Variants in SLCO6A1 observed in about 807,000 individuals in gnomAD.
The protein encoded by SLCO6A1 is cancer/testis antigen 48.
A neutral mutation model predicts 72.7 loss-of-function variants in SLCO6A1; 65 were observed. That is an observed-to-expected ratio of 0.89 (90% CI 0.73 to 1.10). The LOEUF is 1.10. Ranked by LOEUF, SLCO6A1 falls within the 50% of genes least tolerant of loss-of-function variation. The probability of loss-of-function intolerance (pLI) is 0.00; values close to 1 mark genes in which losing one functional copy is unlikely to be tolerated. For synonymous variants in SLCO6A1, 314 were observed against 298.2 expected (o/e 1.05, Z -0.55); for missense variants, 874 against 872.6 (o/e 1.00, Z -0.02).
intron 4 of SLCO6A1, among the ~76,000 whole-genome samples, chr5:102,463,423 T>C (rs1037169105): frequency 1.3e-5 from 2 of 152,186 alleles, no homozygotes; most frequent in African/African-American, 4.8e-5. Flanking sequence ...CTACTGGGTA[T>C]CTACCCAGAA....
In SLCO6A1 at chr5:102,473,097, GAA is replaced by G. The variant is rs1218713317; in HGVS notation, c.899+2598_899+2599del. On this transcript the variant is annotated intron_variant, in intron 4 of 13. Transcript: ENST00000506729. ...CCTTCTCAAAATCCTCCAAGTAACT[GAA>G]GAGGAGGGAATACTTCAAATTCTTT... 3.3e-5 allele frequency among the ~76,000 whole-genome samples: 5 copies of G among 152,034 alleles called. No homozygotes were observed. In the East Asian group the frequency reaches 9.7e-4, roughly 29 times the overall value.
chr5:102,386,828 T>C (rs1056633989), intron 12 of SLCO6A1, among the ~76,000 whole-genome samples: 3 of 152,182 alleles, frequency 2.0e-5, no homozygotes, highest in Non-Finnish European at 4.4e-5. Context: ...GAGCTGTATT[T>C]TACTGAGACA....
chr5:102,464,984 A>G (rs530693862), intron 4 of SLCO6A1, among the ~76,000 whole-genome samples: 1 of 152,274 alleles, frequency 6.6e-6, no homozygotes, highest in South Asian at 2.1e-4. Flanking sequence ...AGAATCTGCT[A>G]GTGCCCTTTG....
chr5:102,423,484 T>C (rs1748720194), intron 7 of SLCO6A1, among the ~76,000 whole-genome samples: 1 of 152,096 alleles, frequency 6.6e-6, no homozygotes, highest in Non-Finnish European at 1.5e-5. Flanking sequence ...TCCTAGTCTC[T>C]GATAAAACAG....
chr5:102,498,546 T>C lies in SLCO6A1; in HGVS notation c.299A>G (p.Glu100Gly). Residue 100 changes from glutamate (E) to glycine (G), a missense_variant, in exon 1 of 14, where the codon GAG (glutamate) becomes GGG (glycine). Transcript: ENST00000506729. ...GLGCLVSTCC[E>G]CCNNIRCFMI... ...GAAGCAGCGAATGTTATTGCAACAC[T>C]CACAGCAGGTGCTGACTAAGCAGCC... The C allele has an allele frequency of 6.2e-7, 1 of 1,614,196 alleles. No homozygotes were observed. Among genetic ancestry groups the C allele is most frequent in the Non-Finnish European group, 8.5e-7 (1 of 1,180,032 alleles).
intron 4 of SLCO6A1, among the ~76,000 whole-genome samples, chr5:102,464,368 T>C (rs1027625031): frequency 5.9e-5 from 9 of 152,144 alleles, no homozygotes; most frequent in African/African-American, 1.9e-4. Flanking sequence ...TTAATATCCA[T>C]AATAAGTGAA....
chr5:102,416,801 A>C (rs1444234534), intron 8 of SLCO6A1, among the ~76,000 whole-genome samples: 2 of 152,188 alleles, frequency 1.3e-5, no homozygotes, highest in African/African-American at 4.8e-5. Flanking sequence ...CTTGGTAACC[A>C]TTACATGCGT....
intron 7 of SLCO6A1, among the ~76,000 whole-genome samples, chr5:102,435,117 T>C (rs535515301): frequency 4.6e-5 from 7 of 152,338 alleles, no homozygotes; most frequent in African/African-American, 1.4e-4. Flanking sequence ...TTTTTTGTAG[T>C]GTGTCCTGAC....
chr5:102,493,678 C>T (rs1265524621), intron 1 of SLCO6A1, among the ~76,000 whole-genome samples: 1 of 152,052 alleles, frequency 6.6e-6, no homozygotes, highest in Non-Finnish European at 1.5e-5. Flanking sequence ...CAAAAAGCAT[C>T]CAGATTGGGA....
At chr5:102,482,509 GAC>G in intron 1 of SLCO6A1, among the ~76,000 whole-genome samples, 1 of 152,192 alleles carries the variant, frequency 6.6e-6, no homozygotes, top group Middle Eastern at 3.4e-3. Context: ...CATCCTATAG[GAC>G]AGCACTACAA....
At chr5:102,435,019 A>G (rs1042100057) in intron 7 of SLCO6A1, among the ~76,000 whole-genome samples, 9 of 152,192 alleles carry the variant, frequency 5.9e-5, no homozygotes, top group African/African-American at 2.4e-5. Flanking sequence ...CAAAATAGCC[A>G]ATAGCTGGGT....
At chr5:102,489,437 A>G (rs1434277159) in intron 1 of SLCO6A1, among the ~76,000 whole-genome samples, 1 of 152,230 alleles carries the variant, frequency 6.6e-6, no homozygotes, top group Admixed American at 6.5e-5. Context: ...ATCCAATTTA[A>G]AAATGGGCAA....
At position 102,377,632 on chromosome 5, in the gene SLCO6A1, G is replaced by C. The variant is rs1745872563; in HGVS notation, c.2018-4138C>G. Among the ~76,000 whole-genome samples, 2 of 150,286 alleles carry C rather than the reference G, an allele frequency of 1.3e-5. 1 individual carries two copies. The highest frequency in any genetic ancestry group is 4.9e-5 in the African/African-American group (2 of 40,884). On this transcript the variant is annotated intron_variant, in intron 12 of 13. Transcript: ENST00000506729. ...TTTTTTAATAAAAAGAGTATTGTTT[G>C]ATATATATATATATCTATAGATATA...
rs1753030676 is a variant in SLCO6A1 at position 102,498,750 on chromosome 5, T to G, written c.95A>C (p.Asp32Ala). The G allele has an allele frequency of 6.2e-7, 1 of 1,614,106 alleles. No homozygotes were observed. Residue 32 changes from aspartate (D) to alanine (A), a missense_variant, in exon 1 of 14, where the codon GAC (aspartate) becomes GCC (alanine). By Grantham distance (126) the Asp-to-Ala change is moderately radical. Transcript: ENST00000506729. Reference protein sequence around the residue: ...LEAARAQPAKDRRAKGTPKSS... With the variant: ...LEAARAQPAKARRAKGTPKSS... ...CTTCGGGGTTCCCTTGGCCCTCCTG[T>G]CCTTAGCAGGCTGGGCCCGCGCGGC...
Position 102,498,766 on chromosome 5 carries a change from C to T in SLCO6A1, c.79G>A (p.Ala27Thr), listed in dbSNP as rs1753031766. ...RGVEPLEAAR[A>T]QPAKDRRAKG... ...GCCCTCCTGTCCTTAGCAGGCTGGG[C>T]CCGCGCGGCCTCCAGCGGCTCTACT... Residue 27 changes from alanine (A) to threonine (T), a missense_variant, in exon 1 of 14, where the codon GCC becomes ACC. By Grantham distance (58) the Ala-to-Thr change is moderately conservative (BLOSUM62 0). Transcript: ENST00000506729. 1.9e-6 allele frequency: 3 copies of T among 1,614,110 alleles called. No homozygotes were observed. Among genetic ancestry groups the T allele is most frequent in the African/African-American group, 2.7e-5 (2 of 75,044 alleles).
At chr5:102,437,861 C>G (rs1749629798) in intron 7 of SLCO6A1, among the ~76,000 whole-genome samples, 1 of 151,974 alleles carries the variant, frequency 6.6e-6, no homozygotes, top group South Asian at 2.1e-4. Flanking sequence ...CATCCTTGAC[C>G]TTTTACACCC....
In SLCO6A1 at chr5:102,438,418, G is replaced by A. The variant is rs967000877; in HGVS notation, c.1276+199C>T. 3 of 377,742 alleles carry A rather than the reference G, an allele frequency of 7.9e-6. No individual in the cohort carries two copies. The Admixed American group carries it at 1.4e-4, about 18-fold the overall frequency. 23.4% of individuals were successfully genotyped at this position (377,742 alleles called of 1,614,324 possible). ...GAATGAAGATAAATGGGATAAAGGA[G>A]GAACACGGAAGTTTTTACAAGGATT... On this transcript the variant is annotated intron_variant, in intron 7 of 13. Coordinates refer to ENST00000506729, the MANE Select transcript of SLCO6A1 (RefSeq NM_173488.5).
In SLCO6A1 at chr5:102,442,442, T is replaced by C. The variant is rs112399815; in HGVS notation, c.1132-3681A>G. On this transcript the variant is annotated intron_variant, in intron 6 of 13. Coordinates refer to ENST00000506729, the MANE Select transcript of SLCO6A1 (RefSeq NM_173488.5). ...TGAGTGGTTATGATAATTGAATACA[T>C]GTAATGGTTTAATACAACTTCTGGC... is the stretch of plus-strand genomic sequence containing the variant. Among the ~76,000 whole-genome samples, 927 of 152,312 alleles carry C rather than the reference T, an allele frequency of 6.1e-3. 11 individuals carry two copies. The highest frequency in any genetic ancestry group is 5.1e-3 in the Non-Finnish European group (347 of 68,014).
intron 4 of SLCO6A1, among the ~76,000 whole-genome samples, chr5:102,461,517 T>C (rs1751037247): frequency 1.3e-5 from 2 of 152,086 alleles, no homozygotes; most frequent in Admixed American, 6.6e-5. Context: ...TAGAAAACTA[T>C]ACAATAAAGC....
Sources: allele counts gnomAD v4.1 joint callset (sites outside exome capture counted in the v4.1 genomes callset), GRCh38; gene constraint gnomAD v4.1.1; transcripts MANE v1.5; gene names NCBI Gene and HGNC (gene_info 2026-07-23, HGNC 2026-07-21).